NFKB1: variants seen among roughly 807,000 people sequenced by gnomAD.
NFKB1 encodes nuclear factor kappa B subunit 1.
In NFKB1, 9 loss-of-function variants were observed where a neutral mutation model predicts 105.1. That is an observed-to-expected ratio of 0.09 (90% CI 0.05 to 0.15). NFKB1 has a LOEUF of 0.15. Among genes scored for constraint, NFKB1 ranks in the 10% least tolerant of loss-of-function variants. The pLI is 1.00. For missense variants in NFKB1, 830 were observed against 1,203.7 expected (o/e 0.69, Z 4.59); for synonymous variants, 440 against 442.2 (o/e 1.00, Z 0.06).
At chr4:102,574,498 T>G (rs1007317193) in intron 6 of NFKB1, among the ~76,000 whole-genome samples, 2 of 152,134 alleles carry the variant, frequency 1.3e-5, no homozygotes, top group Admixed American at 1.3e-4. Context: ...GGTTTCTTCC[T>G]TTCCGGTACT....
intron 5 of NFKB1, among the ~76,000 whole-genome samples, chr4:102,559,860 G>C (rs1169389814): frequency 6.6e-6 from 1 of 151,070 alleles, no homozygotes; most frequent in Non-Finnish European, 1.5e-5. Context: ...GATTGCCTGA[G>C]CCAGGAGGTT....
intron 4 of NFKB1, among the ~76,000 whole-genome samples, chr4:102,534,467 C>T (rs1365917437): frequency 6.6e-6 from 1 of 152,136 alleles, no homozygotes; most frequent in Non-Finnish European, 1.5e-5. Flanking sequence ...TTTTCAGGTG[C>T]TTCCCCTTAC....
chr4:102,613,573 A>G lies in NFKB1; in HGVS notation c.2741A>G (p.Gln914Arg). The stretch of plus-strand genomic sequence containing the variant: ...CCTCTCTCGCCTGCCTCCACAAGGC[A>G]GCAAATAGGTAAAAAAAAAGACAAA... ...SLPLSPASTR[Q>R]QIDELRDSDS... is the part of the protein sequence containing the mutation. The change falls in exon 23 of 24, where the codon CAG (glutamine) becomes CGG (arginine). Residue 914 changes from glutamine to arginine, a missense_variant. Gln to Arg is a conservative substitution (Grantham distance 43). This residue lies in a region of NFKB1 where 418 missense variants were observed against 575.3 expected (regional missense o/e 0.73). Coordinates refer to ENST00000226574, the MANE Select transcript of NFKB1 (RefSeq NM_003998.4). The G allele has an allele frequency of 1.9e-6, 3 of 1,611,890 alleles. No homozygotes were observed. The highest frequency in any genetic ancestry group is 2.2e-5 in the East Asian group (1 of 44,814).
At chr4:102,612,357 C>T in intron 21 of NFKB1, 77 bp from the exon 22 acceptor site, 1 of 1,471,724 alleles carries the variant, frequency 6.8e-7, no homozygotes, top group Non-Finnish European at 9.3e-7. Flanking sequence ...GGACAGCAAG[C>T]CAGGCAGCAA....
intron 1 of NFKB1, among the ~76,000 whole-genome samples, chr4:102,521,203 C>T (rs1466288829): frequency 6.6e-6 from 1 of 152,100 alleles, no homozygotes; most frequent in East Asian, 1.9e-4. Context: ...GTACAAATTC[C>T]TGAGGTAGAA....
At chr4:102,559,160 GA>G (rs1051668332) in intron 5 of NFKB1, among the ~76,000 whole-genome samples, 6 of 152,134 alleles carry the variant, frequency 3.9e-5, no homozygotes, top group African/African-American at 1.4e-4. Flanking sequence ...GGAGTAAGAA[GA>G]AAAAGGACGG....
chr4:102,504,499 TAGAAG>T (rs1184570397), intron 1 of NFKB1, among the ~76,000 whole-genome samples: 2 of 152,196 alleles, frequency 1.3e-5, no homozygotes, highest in Non-Finnish European at 2.9e-5. Context: ...ATTGTTATAT[TAGAAG>T]AGAAGGAGAA....
chr4:102,583,061 C>A, intron 10 of NFKB1, 104 bp downstream of exon 10: 1 of 702,050 alleles, frequency 1.4e-6, no homozygotes. Context: ...CTCACTGTAT[C>A]CCCCAACTGT....
chr4:102,561,621 C>G (rs990234641), intron 5 of NFKB1, among the ~76,000 whole-genome samples: 2 of 152,098 alleles, frequency 1.3e-5, no homozygotes, highest in African/African-American at 4.8e-5. Flanking sequence ...TTGAGGTGGA[C>G]AGACCCAAGC....
chr4:102,508,818 A>C (rs956571253), intron 1 of NFKB1, among the ~76,000 whole-genome samples: 7 of 152,226 alleles, frequency 4.6e-5, no homozygotes, highest in Non-Finnish European at 1.0e-4. Context: ...ACTAAGACTT[A>C]AACTTTGTTA....
chr4:102,521,456 G>T (rs560411194), intron 1 of NFKB1, among the ~76,000 whole-genome samples: 4 of 152,300 alleles, frequency 2.6e-5, no homozygotes, highest in African/African-American at 9.6e-5. Flanking sequence ...CTTGAAAGTA[G>T]AGACACTTCT....
intron 6 of NFKB1, among the ~76,000 whole-genome samples, chr4:102,573,819 AT>A (rs1350452043): frequency 3.3e-5 from 5 of 151,706 alleles, no homozygotes; most frequent in Non-Finnish European, 7.4e-5. Flanking sequence ...TATGTTCTTA[AT>A]TCCATCTAGT....
At chr4:102,511,434 G>C (rs1578703064) in intron 1 of NFKB1, among the ~76,000 whole-genome samples, 1 of 152,178 alleles carries the variant, frequency 6.6e-6, no homozygotes, top group South Asian at 2.1e-4. Flanking sequence ...CAGTACTTCA[G>C]GAGGCCGAGA....
At chr4:102,516,654 T>G (rs1740207584) in intron 1 of NFKB1, among the ~76,000 whole-genome samples, 2 of 152,208 alleles carry the variant, frequency 1.3e-5, no homozygotes, top group Non-Finnish European at 2.9e-5. Flanking sequence ...ATCTTTTCCT[T>G]TACATTATTG....
At chr4:102,514,681 T>A (rs1740008847) in intron 1 of NFKB1, among the ~76,000 whole-genome samples, 1 of 152,230 alleles carries the variant, frequency 6.6e-6, no homozygotes, top group Non-Finnish European at 1.5e-5. Flanking sequence ...GAGAGAGGAA[T>A]GTTAAAAATC....
chr4:102,578,725 G>A (rs1483243296), intron 7 of NFKB1, 156 bp from the exon 8 acceptor site: 19 of 672,756 alleles, frequency 2.8e-5, no homozygotes, highest in Non-Finnish European at 4.6e-5. Flanking sequence ...ACATAAATGA[G>A]ACTGTTTTTA....
chr4:102,536,597 G>A (rs1741652880), intron 4 of NFKB1, among the ~76,000 whole-genome samples: 1 of 152,154 alleles, frequency 6.6e-6, no homozygotes, highest in Non-Finnish European at 1.5e-5. Flanking sequence ...ATGTAGTATA[G>A]TCTAAGTAGT....
chr4:102,598,720 G>A (rs551809588), intron 15 of NFKB1, among the ~76,000 whole-genome samples: 22 of 152,348 alleles, frequency 1.4e-4, no homozygotes, highest in Non-Finnish European at 3.1e-4. Flanking sequence ...AACCAAGACA[G>A]TACAGCAGTG....
At chr4:102,604,902 T>C (rs1453650021) in intron 16 of NFKB1, among the ~76,000 whole-genome samples, 2 of 151,734 alleles carry the variant, frequency 1.3e-5, no homozygotes, top group African/African-American at 2.4e-5. Flanking sequence ...GTTTAAGATA[T>C]AATCCTTGGA....
Sources: gnomAD v4.1 joint callset for allele counts (sites outside exome capture counted in the v4.1 genomes callset) on GRCh38, gnomAD v4.1.1 for gene constraint, gnomAD v4.1.1 regional missense constraint, MANE v1.5 for transcripts, NCBI Gene and HGNC (gene_info 2026-07-23, HGNC 2026-07-21) for gene names.